P4HA3: variants seen among roughly 807,000 people sequenced by gnomAD.
P4HA3 encodes prolyl 4-hydroxylase subunit alpha 3, also known as prolyl 4-hydroxylase subunit alpha-3.
In P4HA3, 60 loss-of-function variants were observed where a neutral mutation model predicts 66.7. The ratio of observed to expected loss-of-function variants is 0.90; its 90% CI spans 0.73 to 1.12. The LOEUF (loss-of-function observed/expected upper bound fraction) is 1.12. Among genes scored for constraint, P4HA3 ranks in the 50% most tolerant of loss-of-function variants. The pLI is 0.00. For synonymous variants in P4HA3, 263 were observed against 274.6 expected (o/e 0.96, Z 0.42); for missense variants, 683 against 685.8 (o/e 1.00, Z 0.05).
intron 7 of P4HA3, among the ~76,000 whole-genome samples, chr11:74,282,170 C>A (rs966693824): frequency 7.9e-5 from 12 of 151,278 alleles, no homozygotes; most frequent in Non-Finnish European, 1.6e-4. Flanking sequence ...GAATCCCCCC[C>A]ATCCCAAATT....
downstream of P4HA3, among the ~76,000 whole-genome samples, chr11:74,264,077 T>C (rs1014884266): frequency 6.6e-6 from 1 of 152,164 alleles, no homozygotes; most frequent in African/African-American, 2.4e-5. Flanking sequence ...CTAGTGCAAA[T>C]ACAGAATTAG....
At chr11:74,311,213 T>C in intron 1 of P4HA3, 199 bp downstream of exon 1, 1 of 620,014 alleles carries the variant, frequency 1.6e-6, no homozygotes. Context: ...TGACAATGGG[T>C]CTAGGGGGTC....
intron 9 of P4HA3, among the ~76,000 whole-genome samples, chr11:74,274,954 G>T (rs1860346486): frequency 6.6e-6 from 1 of 151,910 alleles, no homozygotes; most frequent in South Asian, 2.1e-4. Flanking sequence ...CTTTCCATAT[G>T]TTTCTTAGCC....
chr11:74,260,342 C>G (rs1859887340), intron 14 of P4HA3, among the ~76,000 whole-genome samples: 1 of 152,124 alleles, frequency 6.6e-6, no homozygotes, highest in African/African-American at 2.4e-5. Flanking sequence ...ACAGTGGCAG[C>G]AGGATAAAAC....
At chr11:74,255,927 T>C (rs775415958) in intron 15 of P4HA3, 2 of 516,886 alleles carry the variant, frequency 3.9e-6, no homozygotes, top group Admixed American at 1.9e-5. Flanking sequence ...CGGAACACTT[T>C]GCGGGTGCCT....
intron 1 of P4HA3, among the ~76,000 whole-genome samples, chr11:74,310,339 TAG>T (rs1353074897): frequency 1.3e-5 from 2 of 152,248 alleles, no homozygotes; most frequent in South Asian, 2.1e-4. Context: ...TGTGTAGCAC[TAG>T]AGTTTGTTGA....
At chr11:74,295,139 T>C (rs1861173952) in intron 4 of P4HA3, among the ~76,000 whole-genome samples, 1 of 152,184 alleles carries the variant, frequency 6.6e-6, no homozygotes, top group Admixed American at 6.5e-5. Context: ...TATTTAATAA[T>C]ATAACTGAAG....
chr11:74,268,390 C>T (rs2135702753), intron 11 of P4HA3, 149 bp from the exon 12 acceptor site: 1 of 664,610 alleles, frequency 1.5e-6, no homozygotes, highest in South Asian at 1.8e-5. Context: ...CACAAAATGG[C>T]ATAAGTTGCC....
chr11:74,255,960 G>T (rs757723242), intron 15 of P4HA3: 2 of 515,248 alleles, frequency 3.9e-6, no homozygotes, highest in Non-Finnish European at 7.8e-6. Flanking sequence ...GTGCCCTCTT[G>T]TCCACAAGAG....
intron 8 of P4HA3, among the ~76,000 whole-genome samples, chr11:74,278,057 A>T (rs769992111): frequency 1.2e-4 from 19 of 152,242 alleles, no homozygotes; most frequent in Non-Finnish European, 1.9e-4. Flanking sequence ...GGACAAACAC[A>T]AATATAACTA....
chr11:74,278,031 T>C (rs1860460306), intron 8 of P4HA3, among the ~76,000 whole-genome samples: 1 of 152,160 alleles, frequency 6.6e-6, no homozygotes, highest in Admixed American at 6.5e-5. Flanking sequence ...TAAGAGCTCA[T>C]GGATTATGGG....
chr11:74,294,857 TC>T (rs1379391364), intron 4 of P4HA3, among the ~76,000 whole-genome samples: 1 of 152,128 alleles, frequency 6.6e-6, no homozygotes, highest in Non-Finnish European at 1.5e-5. Flanking sequence ...CTGCCCCTAC[TC>T]GGGGGTGCCT....
At chr11:74,291,525 G>A (rs1021265750) in intron 4 of P4HA3, among the ~76,000 whole-genome samples, 1 of 152,112 alleles carries the variant, frequency 6.6e-6, no homozygotes, top group Non-Finnish European at 1.5e-5. Flanking sequence ...TCTTGTACCC[G>A]TTTTCAAAGG....
chr11:74,288,488 C>G (rs1860879435), intron 5 of P4HA3, among the ~76,000 whole-genome samples: 1 of 152,098 alleles, frequency 6.6e-6, no homozygotes, highest in African/African-American at 2.4e-5. Flanking sequence ...TGGACTTTTT[C>G]CCATTGAAGC....
At chr11:74,286,070 T>A in intron 6 of P4HA3, 85 bp from the exon 7 acceptor site, 1 of 1,505,650 alleles carries the variant, frequency 6.6e-7, no homozygotes, top group Non-Finnish European at 9.1e-7. Flanking sequence ...ATAAAAAAAT[T>A]GGAATGCAAG....
At chr11:74,272,030 G>C (rs528063628) in intron 10 of P4HA3, among the ~76,000 whole-genome samples, 1 of 152,032 alleles carries the variant, frequency 6.6e-6, no homozygotes, top group African/African-American at 2.4e-5. Flanking sequence ...GGAAGCACAG[G>C]GCAAAAAGTG....
intron 15 of P4HA3, chr11:74,253,433 G>A (rs1859754835): frequency 6.5e-7 from 1 of 1,538,358 alleles, no homozygotes; most frequent in Non-Finnish European, 9.0e-7. Context: ...ATACAGATAA[G>A]CAAGGGAAAG....
At chr11:74,306,255 T>C (rs1172924818) in intron 1 of P4HA3, among the ~76,000 whole-genome samples, 1 of 152,060 alleles carries the variant, frequency 6.6e-6, no homozygotes, top group Admixed American at 6.6e-5. Flanking sequence ...AGGGCAGAAA[T>C]GGTAGGGCCT....
intron 5 of P4HA3, among the ~76,000 whole-genome samples, chr11:74,288,181 C>G (rs1353879269): frequency 6.6e-6 from 1 of 152,168 alleles, no homozygotes; most frequent in East Asian, 1.9e-4. Context: ...CAAGCAGATA[C>G]CTGAGTTAGG....
Sources: gnomAD v4.1 joint callset for allele counts (sites outside exome capture counted in the v4.1 genomes callset) on GRCh38, gnomAD v4.1.1 for gene constraint, MANE v1.5 for transcripts, NCBI Gene and HGNC (gene_info 2026-07-23, HGNC 2026-07-21) for gene names.